The following LAMP2 variants were observed in gnomAD, a reference collection of about 807,000 sequenced individuals.
LAMP2 encodes the protein lysosome-associated membrane glycoprotein 2.
In LAMP2, 4 loss-of-function variants were observed where a neutral mutation model predicts 25.6. The observed-to-expected ratio is 0.16, with a 90% CI of 0.08 to 0.36. The LOEUF (loss-of-function observed/expected upper bound fraction) is 0.36. Among genes scored for constraint, LAMP2 ranks in the 10% least tolerant of loss-of-function variants. LAMP2 has a pLI of 1.00. For synonymous variants in LAMP2, 108 were observed against 112.7 expected, an observed-to-expected ratio of 0.96 and a Z score of 0.27; for missense variants, 272 against 301.4, an observed-to-expected ratio of 0.90 and a Z score of 0.72.
intron 3 of LAMP2, among the ~76,000 whole-genome samples, chrX:120,452,672 C>A (rs1258804792): frequency 1.8e-5 from 2 of 108,300 alleles, no homozygotes; most frequent in Non-Finnish European, 3.8e-5. Context: ...ACCCTAGCCA[C>A]CCAGGTAGCT....
chrX:120,456,798 A>T, intron 1 of LAMP2, 29 bp from the exon 2 acceptor site: 1 of 813,593 alleles, frequency 1.2e-6, no homozygotes, highest in Non-Finnish European at 1.8e-6. Flanking sequence ...ATAATATTTT[A>T]AAATTGTACT....
intron 8 of LAMP2, chrX:120,436,685 C>T (rs1368305292): frequency 8.2e-6 from 6 of 733,756 alleles, no homozygotes; most frequent in African/African-American, 2.3e-5. Flanking sequence ...CCAGATAGAG[C>T]GTTACCATCA....
At chrX:120,465,027 G>T (rs1315396853) in intron 1 of LAMP2, among the ~76,000 whole-genome samples, 1 of 111,687 alleles carries the variant, frequency 9.0e-6, no homozygotes, top group Non-Finnish European at 1.9e-5. Context: ...ACAGGCGTGA[G>T]CCACCATGCC....
At chrX:120,444,313 C>T (rs1569368709) in intron 6 of LAMP2, among the ~76,000 whole-genome samples, 1 of 111,716 alleles carries the variant, frequency 9.0e-6, no homozygotes, top group South Asian at 3.8e-4. Flanking sequence ...CATCCCTCCT[C>T]GACTTAGGCT....
intron 5 of LAMP2, among the ~76,000 whole-genome samples, chrX:120,447,133 C>T (rs775412005): frequency 8.9e-5 from 10 of 112,277 alleles, no homozygotes; most frequent in Non-Finnish European, 1.7e-4. Flanking sequence ...AGGCTGGGCG[C>T]GGTGGCTCAC....
chrX:120,440,212 T>G (rs768258642), intron 8 of LAMP2, among the ~76,000 whole-genome samples: 2 of 111,758 alleles, frequency 1.8e-5, no homozygotes, highest in Non-Finnish European at 3.8e-5. Flanking sequence ...AGATCGTGAC[T>G]TAGTACATAC....
chrX:120,441,733 T>C lies in LAMP2; in HGVS notation c.1090A>G (p.Thr364Ala). 8.3e-7 allele frequency: 1 copy of C among 1,201,413 alleles called. No individual in the cohort carries two copies. Among genetic ancestry groups the C allele is most frequent in the African/African-American group, 1.7e-5 (1 of 57,628 alleles). ...ATGAAGTTTGCTTGATTCTTACCTG[T>C]AGAATACTTTCCTTGTGTCACATTG... Reference protein sequence around the residue: ...PFNVTQGKYSTAQDCSADDDN... With the variant: ...PFNVTQGKYSAAQDCSADDDN... Residue 364 changes from threonine to alanine, a missense_variant, in exon 8 of 9, where the codon ACA (threonine) becomes GCA (alanine). Coordinates refer to ENST00000200639, the MANE Select transcript of LAMP2 (RefSeq NM_002294.3).
chrX:120,433,310 G>A (rs954838279), intron 8 of LAMP2, among the ~76,000 whole-genome samples: 4 of 111,235 alleles, frequency 3.6e-5, no homozygotes, highest in African/African-American at 9.8e-5. Context: ...ACTTGGGCAG[G>A]GTAACAAATA....
intron 8 of LAMP2, chrX:120,436,564 A>G (rs905681401): frequency 1.2e-5 from 9 of 734,575 alleles, no homozygotes; most frequent in Non-Finnish European, 1.4e-5. Context: ...GCAAATATCT[A>G]AAGATACCAT....
chrX:120,430,379 T>A lies in LAMP2; in HGVS notation c.*944A>T, dbSNP rs1197038483. ...TGCTTCACTGCCTCCCTTCTGAGAT[T>A]GCTGTTAGCTTACATTTCATAAGTA... On this transcript the variant is annotated 3_prime_UTR_variant, in exon 9 of 9. Transcript: ENST00000200639. 10 of 754,512 alleles carry A rather than the reference T, an allele frequency of 1.3e-5. No homozygotes were observed. Among genetic ancestry groups the A allele is most frequent in the Non-Finnish European group, 1.6e-5 (10 of 639,216 alleles). 62.2% of individuals were successfully genotyped at this position (754,512 alleles called of 1,213,427 possible).
At chrX:120,442,347 T>C (rs1164764193) in intron 7 of LAMP2, among the ~76,000 whole-genome samples, 4 of 110,598 alleles carry the variant, frequency 3.6e-5, no homozygotes, top group Admixed American at 9.6e-5. Flanking sequence ...TATCTTTCTA[T>C]AGATGTTTCT....
intron 8 of LAMP2, among the ~76,000 whole-genome samples, chrX:120,440,206 C>T (rs748767863): frequency 9.0e-6 from 1 of 111,606 alleles, no homozygotes; most frequent in Non-Finnish European, 1.9e-5. Flanking sequence ...GTTTGCAGAT[C>T]GTGACTTAGT....
At chrX:120,461,000 T>C in intron 1 of LAMP2, among the ~76,000 whole-genome samples, 1 of 112,339 alleles carries the variant, frequency 8.9e-6, no homozygotes, top group Admixed American at 9.4e-5. Context: ...TTATCTATGC[T>C]ACCTTTAATG....
At position 120,426,642 on chromosome X, in the gene LAMP2, T is replaced by C. The variant is rs2058500089; in HGVS notation, c.*4681A>G. Reference sequence around the variant, plus strand: ...ATGAACCCATAATTTTGAATGTATCTGAATTTCCAGTTTATATGCTTAGCA... The same window carrying C: ...ATGAACCCATAATTTTGAATGTATCCGAATTTCCAGTTTATATGCTTAGCA... On this transcript the variant is annotated 3_prime_UTR_variant, in exon 9 of 9. Transcript: ENST00000200639. Among the ~76,000 whole-genome samples the C allele has an allele frequency of 8.9e-6, 1 of 111,932 alleles. No homozygotes were observed. The highest frequency in any genetic ancestry group is 9.5e-5 in the Admixed American group (1 of 10,541).
At chrX:120,467,941 T>G (rs1921611268) in intron 1 of LAMP2, among the ~76,000 whole-genome samples, 1 of 110,218 alleles carries the variant, frequency 9.1e-6, no homozygotes, top group African/African-American at 3.3e-5. Flanking sequence ...TTTTGTATTT[T>G]TAGTAGAGAC....
At position 120,430,417 on chromosome X, in the gene LAMP2, C is replaced by A; in HGVS notation, c.*906G>T. On this transcript the variant is annotated 3_prime_UTR_variant, in exon 9 of 9. Coordinates refer to ENST00000200639, the MANE Select transcript of LAMP2 (RefSeq NM_002294.3). ...CATTTCATAAGTACCACACTGATGACAACACTAAATAGATTTTAATGCTCC... is the reference window on the plus strand; with the variant it reads ...CATTTCATAAGTACCACACTGATGAAAACACTAAATAGATTTTAATGCTCC... 1.3e-6 allele frequency: 1 copy of A among 751,324 alleles called. No homozygotes were observed. The highest frequency in any genetic ancestry group is 1.6e-6 in the Non-Finnish European group (1 of 636,578). 61.9% of individuals were successfully genotyped at this position (751,324 alleles called of 1,213,427 possible).
At chrX:120,437,649 A>G in intron 8 of LAMP2, 1 of 750,021 alleles carries the variant, frequency 1.3e-6, no homozygotes, top group African/African-American at 2.3e-5. Context: ...ACAAAACTGA[A>G]CACAAAGCAC....
intron 3 of LAMP2, among the ~76,000 whole-genome samples, chrX:120,451,084 C>T (rs1015665383): frequency 2.9e-4 from 32 of 109,783 alleles, no homozygotes; most frequent in African/African-American, 9.6e-4. Context: ...CACGCCACCA[C>T]GCCCAGCTAA....
rs1298143968 is a variant in LAMP2, at chrX:120,428,207, A to G, written c.*3116T>C. The G allele has an allele frequency of 2.4e-5, 5 of 207,906 alleles. No individual in the cohort carries two copies. In the East Asian group the frequency reaches 4.2e-4, roughly 17 times the overall value. The allele number at this position is 207,906 out of a possible 1,213,427, so 17.1% of individuals were successfully genotyped here. ...ACACATCAGCAAAAATGCTTTCATA[A>G]TTGGATCCAGGGGCTTAAAATCATT... On this transcript the variant is annotated 3_prime_UTR_variant, in exon 9 of 9. Coordinates refer to ENST00000200639, the MANE Select transcript of LAMP2 (RefSeq NM_002294.3).
Sources: allele counts gnomAD v4.1 joint callset (sites outside exome capture counted in the v4.1 genomes callset), GRCh38; gene constraint gnomAD v4.1.1; transcripts MANE v1.5; gene names NCBI Gene and HGNC (gene_info 2026-07-23, HGNC 2026-07-21).